DUSP9: variants seen among roughly 807,000 people sequenced by gnomAD.
The protein encoded by DUSP9 is dual specificity phosphatase 9.
Under a neutral mutation model 13.2 loss-of-function variants are expected in DUSP9, and 4 were observed. That is an observed-to-expected ratio of 0.30 (90% confidence interval 0.15 to 0.69). The LOEUF (loss-of-function observed/expected upper bound fraction) is 0.69, where lower values mean the gene tolerates loss of function less well. Ranked by LOEUF, DUSP9 falls within the 30% of genes least tolerant of loss-of-function variation. DUSP9 has a pLI of 0.73. For missense variants in DUSP9, 263 were observed against 355.0 expected (o/e 0.74, Z 2.08); for synonymous variants, 166 against 172.3 (o/e 0.96, Z 0.29).
At chrX:153,647,614 A>C in intron 1 of DUSP9, 189 bp downstream of exon 1, 1 of 146,625 alleles carries the variant, frequency 6.8e-6, no homozygotes, top group Non-Finnish European at 1.3e-5. Flanking sequence ...CAGAGTCGGA[A>C]GCTCGAACTT....
At chrX:153,645,022 C>T (rs184829734), upstream of DUSP9, among the ~76,000 whole-genome samples, 2 of 113,007 alleles carry the variant, frequency 1.8e-5, no homozygotes, top group East Asian at 5.6e-4. Context: ...TGCCTTCAAC[C>T]CCTGCCCACT....
At chrX:153,645,393 G>T (rs889296863), upstream of DUSP9, among the ~76,000 whole-genome samples, 1 of 113,212 alleles carries the variant, frequency 8.8e-6, no homozygotes, top group Non-Finnish European at 1.9e-5. Flanking sequence ...TAGGACTCTT[G>T]TTAGACGCAG....
intron 3 of DUSP9, 83 bp from the exon 4 acceptor site, chrX:153,649,897 G>A: frequency 9.3e-7 from 1 of 1,077,616 alleles, no homozygotes; most frequent in Admixed American, 2.6e-5. Context: ...GGCAGGGCGG[G>A]GCCTTTGAGG....
Position 153,649,969 on chromosome X carries a change from G to GC in DUSP9, c.830-7dup. On this transcript the variant is annotated splice_polypyrimidine_tract_variant and intron_variant, in intron 3 of 3. Coordinates refer to ENST00000342782, the MANE Select transcript of DUSP9 (RefSeq NM_001318503.2). ...CTCCGGGTCTCCCGGGCCCTTTCCT[G>GC]CCCCATCTAGATGAGGCCTTGTCCC... 1 of 1,204,374 alleles carries GC rather than the reference G, an allele frequency of 8.3e-7. No homozygotes were observed. Among genetic ancestry groups the GC allele is most frequent in the Non-Finnish European group, 1.1e-6 (1 of 892,377 alleles).
chrX:153,649,859 C>A, intron 3 of DUSP9, 121 bp from the exon 4 acceptor site: 1 of 961,819 alleles, frequency 1.0e-6, no homozygotes. Flanking sequence ...CTAGAGAAAC[C>A]TGCAGGTCGT....
At position 153,650,285 on chromosome X, in the gene DUSP9, T is replaced by C. The variant is rs199624932; in HGVS notation, c.1135T>C (p.Phe379Leu). 23 of 1,193,859 alleles carry C rather than the reference T, an allele frequency of 1.9e-5. No individual in the cohort carries two copies. The East Asian group carries it at 6.3e-4, about 33-fold the overall frequency. ...CACCACCCCCACCAGTGATGGCGCC[T>C]TCGAGCTGGCCCCCACCTAGGGCCC... ...FFTTPTSDGA[F>L]ELAPT The change falls in exon 4 of 4, where the codon TTC becomes CTC. Residue 379 changes from phenylalanine to leucine, a missense_variant. Physicochemically the swap from Phe to Leu is conservative, Grantham distance 22. Coordinates refer to ENST00000342782, the MANE Select transcript of DUSP9 (RefSeq NM_001318503.2).
At chrX:153,648,396 T>C in intron 2 of DUSP9, 70 bp downstream of exon 2, 1 of 1,025,147 alleles carries the variant, frequency 9.8e-7, no homozygotes. Context: ...CCCACTTCTT[T>C]TTTTCTAAAG....
upstream of DUSP9, among the ~76,000 whole-genome samples, chrX:153,643,850 G>A (rs782406553): frequency 8.8e-6 from 1 of 113,000 alleles, no homozygotes; most frequent in African/African-American, 3.2e-5. Flanking sequence ...TGCCTTCTTT[G>A]TTAACGAGCA....
At chrX:153,643,349 C>T (rs782791784), upstream of DUSP9, 192 of 283,756 alleles carry the variant, frequency 6.8e-4, 1 homozygote, top group South Asian at 6.3e-3. Flanking sequence ...ACACCTGGCA[C>T]GCGGGCTCTA....
chrX:153,650,937 C>A lies in DUSP9; in HGVS notation c.*632C>A, dbSNP rs1164754770. The A allele has an allele frequency of 2.7e-5, 3 of 110,020 alleles. No homozygotes were observed. Among genetic ancestry groups the A allele is most frequent in the Non-Finnish European group, 5.7e-5 (3 of 52,524 alleles). 9.1% of individuals were successfully genotyped at this position (110,020 alleles called of 1,213,427 possible). On this transcript the variant is annotated 3_prime_UTR_variant, in exon 4 of 4. Transcript: ENST00000342782. ...GTGAGTGAGGGTGGCCAAACTACCG[C>A]CGGAGGAGATGGGGTCTCAGAGCGA...
chrX:153,645,894 A>G (rs782667685), upstream of DUSP9, among the ~76,000 whole-genome samples: 7 of 112,377 alleles, frequency 6.2e-5, no homozygotes, highest in African/African-American at 2.3e-4. Flanking sequence ...AGTAGGTGGG[A>G]AGTGTTACCT....
rs2148322920 is a variant in DUSP9, at chrX:153,649,704, C to CCCCCAA, written c.829+17_829+18insCCCCAA. On this transcript the variant is annotated intron_variant, in intron 3 of 3. Coordinates refer to ENST00000342782, the MANE Select transcript of DUSP9 (RefSeq NM_001318503.2). ...AGTTCATTGGTGAGTCCACCCCACC[C>CCCCCAA]ACCCTTCCCTCCTGTCCTCCCCAAG... 8.6e-7 allele frequency: 1 copy of CCCCCAA among 1,160,842 alleles called. No individual in the cohort carries two copies. Among genetic ancestry groups the CCCCCAA allele is most frequent in the Non-Finnish European group, 1.2e-6 (1 of 862,024 alleles).
Position 153,649,366 on chromosome X carries a change from G to T in DUSP9, c.508G>T (p.Asp170Tyr). ...GTTGGGCAGCCTGTGCCTGGGCTCC[G>T]ACTGCTCTGATGCGGAATCCGAGGC... ...VGLGSLCLGS[D>Y]CSDAESEADR... Residue 170 changes from aspartate to tyrosine, a missense_variant, in exon 3 of 4, where the codon GAC becomes TAC. By Grantham distance (160) the Asp-to-Tyr change is radical. Transcript: ENST00000342782. 1.7e-6 allele frequency: 2 copies of T among 1,211,098 alleles called. No individual in the cohort carries two copies. Among genetic ancestry groups the T allele is most frequent in the Non-Finnish European group, 2.2e-6 (2 of 895,528 alleles).
rs187280213 is a variant in DUSP9 at position 153,649,921 on chromosome X, C to A, written c.830-59C>A. 9.6e-3 allele frequency: 10,981 copies of A among 1,144,063 alleles called. 51 individuals are homozygous for A. The highest frequency in any genetic ancestry group is 0.011 in the Non-Finnish European group (9,154 of 854,497). The allele number at this position is 1,144,063 out of a possible 1,213,427, so 94.3% of individuals were successfully genotyped here. On this transcript the variant is annotated intron_variant, in intron 3 of 3. Coordinates refer to ENST00000342782, the MANE Select transcript of DUSP9 (RefSeq NM_001318503.2). ...GGGCCTTTGAGGGCCCTTCGGAAGG[C>A]CTCGGCCTCACACACGCCTGCCCTC...
rs1557035807 is a variant in DUSP9, at chrX:153,648,142, G to A, written c.189G>A (p.Ala63=). The change falls in exon 2 of 4, where the codon GCG becomes GCA. Residue 63 remains alanine (A), a synonymous_variant. Coordinates refer to ENST00000342782, the MANE Select transcript of DUSP9 (RefSeq NM_001318503.2). ...GGAGGGGCAGCCTGTCGGTGCGCGC[G>A]CTCCTGCCTGGGCCGCCGCTGCAGC... ...RLRRGSLSVR[A]LLPGPPLQPP... 1.0e-6 allele frequency: 1 copy of A among 986,443 alleles called. No individual in the cohort carries two copies. Among genetic ancestry groups the A allele is most frequent in the Non-Finnish European group, 1.3e-6 (1 of 789,158 alleles). The allele number at this position is 986,443 out of a possible 1,213,427, so 81.3% of individuals were successfully genotyped here.
rs2091191693 is a variant in DUSP9, at chrX:153,647,253, G to T, written c.-208G>T. 1 of 112,562 alleles carries T rather than the reference G, an allele frequency of 8.9e-6. No homozygotes were observed. Among genetic ancestry groups the T allele is most frequent in the Non-Finnish European group, 1.9e-5 (1 of 53,009 alleles). The allele number at this position is 112,562 out of a possible 1,213,427, so 9.3% of individuals were successfully genotyped here. A position where few individuals can be genotyped will look rare whatever the true frequency, so the allele number is the denominator to read the frequency against. On this transcript the variant is annotated 5_prime_UTR_variant, in exon 1 of 4. Coordinates refer to ENST00000342782, the MANE Select transcript of DUSP9 (RefSeq NM_001318503.2). ...AGGAAGCGGCCGGTGCGCGGGCTGC[G>T]CGGGCTGCGCGGGGCTCGGCTTCCA...
At chrX:153,646,003 C>T (rs1557035466), upstream of DUSP9, among the ~76,000 whole-genome samples, 1 of 113,004 alleles carries the variant, frequency 8.8e-6, no homozygotes, top group Non-Finnish European at 1.9e-5. Context: ...TTCCCTCCTT[C>T]CTGCAGTATG....
rs1357315111 is a variant in DUSP9 at position 153,649,226 on chromosome X, C to T, written c.374-6C>T. ...GTCAGCAGGCCCCATGCCCTCTCCC[C>T]AACAGGAGGCTTCAGCAGATTCCAG... On this transcript the variant is annotated splice_polypyrimidine_tract_variant and splice_region_variant and intron_variant, in intron 2 of 3. Transcript: ENST00000342782. 2 of 1,208,491 alleles carry T rather than the reference C, an allele frequency of 1.7e-6. No individual in the cohort carries two copies. Among genetic ancestry groups the T allele is most frequent in the Admixed American group, 2.2e-5 (1 of 45,975 alleles).
rs933303146 is a variant in DUSP9, at chrX:153,648,019, C to T, written c.66C>T (p.Leu22=). 1.8e-6 allele frequency: 2 copies of T among 1,103,559 alleles called. No homozygotes were observed. The highest frequency in any genetic ancestry group is 2.4e-6 in the Non-Finnish European group (2 of 849,883). The allele number at this position is 1,103,559 out of a possible 1,213,427, so 90.9% of individuals were successfully genotyped here. ...RRELSPPRPR[L]LLLDCRSREL... Reference sequence around the variant, plus strand: ...AGCTGTCGCCCCCGCGGCCGCGGCTCCTGCTCCTGGACTGCCGCAGCCGCG... The same window carrying T: ...AGCTGTCGCCCCCGCGGCCGCGGCTTCTGCTCCTGGACTGCCGCAGCCGCG... Residue 22 remains leucine, a synonymous_variant, in exon 2 of 4, where the codon CTC becomes CTT. Transcript: ENST00000342782.
Sources: allele counts gnomAD v4.1 joint callset (sites outside exome capture counted in the v4.1 genomes callset), GRCh38; gene constraint gnomAD v4.1.1; transcripts MANE v1.5; gene names NCBI Gene and HGNC (gene_info 2026-07-23, HGNC 2026-07-21).